Variants in PRRX1 observed in about 807,000 individuals in gnomAD.
PRRX1 encodes the protein paired related homeobox 1, also known as paired mesoderm homeobox protein 1.
PRRX1 carries 8 observed loss-of-function variants against 24.0 expected under a neutral mutation model. That is an observed-to-expected ratio of 0.33 (90% confidence interval 0.20 to 0.60). The LOEUF (loss-of-function observed/expected upper bound fraction) is 0.60, where lower values mean the gene tolerates loss of function less well. Ranked by LOEUF, PRRX1 falls within the 20% of genes least tolerant of loss-of-function variation. PRRX1 has a pLI of 0.82. For synonymous variants in PRRX1, 160 were observed against 131.7 expected (o/e 1.22, Z -1.47); for missense variants, 281 against 322.4 (o/e 0.87, Z 0.98).
chr1:170,665,632 A>G (rs1652893769), intron 1 of PRRX1, among the ~76,000 whole-genome samples: 1 of 152,166 alleles, frequency 6.6e-6, no homozygotes, highest in South Asian at 2.1e-4. Flanking sequence ...CCTATTTCAG[A>G]CTCTCAAAGA....
At chr1:170,708,087 C>G (rs1425330713) in intron 1 of PRRX1, among the ~76,000 whole-genome samples, 2 of 152,162 alleles carry the variant, frequency 1.3e-5, no homozygotes, top group African/African-American at 4.8e-5. Flanking sequence ...CTACTTTCTT[C>G]CTGTTATGAG....
In PRRX1 at chr1:170,736,085, A is replaced by G. The variant is rs762735513; in HGVS notation, c.637A>G (p.Ser213Gly). ...TTATTCTGCCACATGTGCCAACAATAGCCCTGCACAGGGCATCAACATGGC... is the reference window on the plus strand; with the variant it reads ...TTATTCTGCCACATGTGCCAACAATGGCCCTGCACAGGGCATCAACATGGC... Reference protein sequence around the residue: ...ATYSATCANNSPAQGINMANS... With the variant: ...ATYSATCANNGPAQGINMANS... The change falls in exon 4 of 4, where the codon AGC (serine) becomes GGC (glycine). Residue 213 changes from serine (S) to glycine (G), a missense_variant. Transcript: ENST00000239461. The G allele has an allele frequency of 1.2e-6, 2 of 1,614,130 alleles. No individual in the cohort carries two copies. The highest frequency in any genetic ancestry group is 2.2e-5 in the East Asian group (1 of 44,888).
chr1:170,710,319 A>G (rs966833353), intron 1 of PRRX1, among the ~76,000 whole-genome samples: 4 of 152,190 alleles, frequency 2.6e-5, no homozygotes, highest in Admixed American at 6.5e-5. Context: ...CTATAACTCC[A>G]CAATGCTGAA....
upstream of PRRX1, chr1:170,664,086 TCCCTCTCTCTCTCTCTCTCTCCACTACCC>T: frequency 2.4e-6 from 2 of 840,614 alleles, no homozygotes; most frequent in Non-Finnish European, 3.5e-6. Flanking sequence ...TCCCTCTTCC[TCCCTCTCTCTCTCTCTCTCTCCACTACCC>T]CCCTCTTTCT....
intron 1 of PRRX1, among the ~76,000 whole-genome samples, chr1:170,708,338 T>C (rs1360456051): frequency 6.6e-6 from 1 of 152,130 alleles, no homozygotes; most frequent in Non-Finnish European, 1.5e-5. Flanking sequence ...TTTTTTCTCA[T>C]ATGACCTTAG....
At chr1:170,727,671 CT>C (rs936062220) in intron 3 of PRRX1, 2 of 152,156 alleles carry the variant, frequency 1.3e-5, no homozygotes, top group African/African-American at 4.8e-5. Flanking sequence ...GGTAAATGCA[CT>C]TGGAAATTTG....
chr1:170,680,947 A>G (rs1160555052), intron 1 of PRRX1, among the ~76,000 whole-genome samples: 3 of 152,362 alleles, frequency 2.0e-5, no homozygotes, highest in East Asian at 3.8e-4. Context: ...TGTAAAATGT[A>G]TCAATGAAAC....
Position 170,680,327 on chromosome 1 carries a change from A to G in PRRX1, c.241+15868A>G, listed in dbSNP as rs143823804. On this transcript the variant is annotated intron_variant, in intron 1 of 3. Coordinates refer to ENST00000239461, the MANE Select transcript of PRRX1 (RefSeq NM_022716.4). Reference sequence around the variant, plus strand: ...GTATGATTTTAGAAAACTTGAAGGAAGAAAACAAGAAAGAAGGGCACTTGT... The same window carrying G: ...GTATGATTTTAGAAAACTTGAAGGAGGAAAACAAGAAAGAAGGGCACTTGT... Among the ~76,000 whole-genome samples, 171 of 152,372 alleles carry G rather than the reference A, an allele frequency of 1.1e-3. 2 individuals carry two copies. In the South Asian group the frequency reaches 0.017, roughly 15 times the overall value.
intron 1 of PRRX1, chr1:170,668,802 T>C (rs1201688236): frequency 1.3e-5 from 2 of 152,252 alleles, no homozygotes; most frequent in Non-Finnish European, 2.9e-5. Context: ...ATCCTGGGAC[T>C]CTGGGGCCCA....
intron 1 of PRRX1, among the ~76,000 whole-genome samples, chr1:170,707,292 G>GTTATTT (rs1654601140): frequency 6.6e-6 from 1 of 152,002 alleles, no homozygotes; most frequent in African/African-American, 2.4e-5. Flanking sequence ...CAACTAAAAA[G>GTTATTT]CCCTAGTATG....
At chr1:170,693,386 C>T (rs1341762013) in intron 1 of PRRX1, among the ~76,000 whole-genome samples, 1 of 151,948 alleles carries the variant, frequency 6.6e-6, no homozygotes. Flanking sequence ...TCAGTATGAC[C>T]AAATTCTAGT....
Position 170,704,997 on chromosome 1 carries a change from A to G in PRRX1, c.242-14729A>G, listed in dbSNP as rs140073819. ...CTTTGGTCTGAACTTTGAAATGTAC[A>G]CTGCAAAGAGTTCCAAAGGCACACA... On this transcript the variant is annotated intron_variant, in intron 1 of 3. Transcript: ENST00000239461. Among the ~76,000 whole-genome samples the G allele has an allele frequency of 3.3e-3, 495 of 152,296 alleles. 6 individuals are homozygous for G. The highest frequency in any genetic ancestry group is 0.011 in the African/African-American group (448 of 41,552).
chr1:170,707,005 G>C (rs562115858), intron 1 of PRRX1, among the ~76,000 whole-genome samples: 3 of 151,926 alleles, frequency 2.0e-5, no homozygotes, highest in African/African-American at 7.2e-5. Context: ...TGCAACTGCA[G>C]TCCCAGCTAC....
chr1:170,675,630 A>G (rs933509138), intron 1 of PRRX1, among the ~76,000 whole-genome samples: 5 of 152,188 alleles, frequency 3.3e-5, no homozygotes, highest in Admixed American at 2.6e-4. Flanking sequence ...AAAATTAAAG[A>G]TAGTGCATTT....
chr1:170,674,324 T>C lies in PRRX1; in HGVS notation c.241+9865T>C, dbSNP rs555758821. Among the ~76,000 whole-genome samples, 3 of 152,366 alleles carry C rather than the reference T, an allele frequency of 2.0e-5. No individual in the cohort carries two copies. In the East Asian group the frequency reaches 5.8e-4, roughly 29 times the overall value. On this transcript the variant is annotated intron_variant, in intron 1 of 3. Transcript: ENST00000239461. Reference sequence around the variant, plus strand: ...GCTAGTATACTAACTCCCTGTGTTCTAGTCTCCTTTCATGTGCTCTGGTCT... The same window carrying C: ...GCTAGTATACTAACTCCCTGTGTTCCAGTCTCCTTTCATGTGCTCTGGTCT...
intron 1 of PRRX1, among the ~76,000 whole-genome samples, chr1:170,704,550 T>G (rs1025766483): frequency 6.6e-6 from 1 of 152,222 alleles, no homozygotes; most frequent in Non-Finnish European, 1.5e-5. Flanking sequence ...AAACTTGCCT[T>G]CTCAGCTGTA....
At chr1:170,664,088 C>CCTCTATCTCTCT, upstream of PRRX1, 1 of 661,374 alleles carries the variant, frequency 1.5e-6, no homozygotes, top group Non-Finnish European at 2.2e-6. Context: ...CCTCTTCCTC[C>CCTCTATCTCTCT]CTCTCTCTCT....
At chr1:170,673,264 G>T (rs1303517137) in intron 1 of PRRX1, among the ~76,000 whole-genome samples, 1 of 152,104 alleles carries the variant, frequency 6.6e-6, no homozygotes, top group Non-Finnish European at 1.5e-5. Flanking sequence ...AAACTGGGAG[G>T]TAACATTAAA....
Position 170,689,839 on chromosome 1 carries a change from C to CTCTCTCTCT in PRRX1, c.241+25380_241+25381insTCTCTCTCT, listed in dbSNP as rs1558049688. Among the ~76,000 whole-genome samples the CTCTCTCTCT allele has an allele frequency of 1.6e-3, 147 of 91,640 alleles. 6 individuals are homozygous for CTCTCTCTCT. The highest frequency in any genetic ancestry group is 5.6e-3 in the African/African-American group (139 of 24,706). 60.1% of individuals were successfully genotyped at this position (91,640 alleles called of 152,430 possible). A position where few individuals can be genotyped will look rare whatever the true frequency, so the allele number is the denominator to read the frequency against. On this transcript the variant is annotated intron_variant, in intron 1 of 3. Transcript: ENST00000239461. ...GTCTCTCTCTCTCTCTCTCTCTCTC[C>CTCTCTCTCT]CTCTCTCTCTCTCTCTCTCTCTCTC...
Sources: gnomAD v4.1 joint callset for allele counts (sites outside exome capture counted in the v4.1 genomes callset) on GRCh38, gnomAD v4.1.1 for gene constraint, MANE v1.5 for transcripts, NCBI Gene and HGNC (gene_info 2026-07-23, HGNC 2026-07-21) for gene names.